The following GRIK2 variants were observed in gnomAD, a reference collection of about 807,000 sequenced individuals.
The protein encoded by GRIK2 is glutamate ionotropic receptor kainate type subunit 2.
Under a neutral mutation model 100.3 loss-of-function variants are expected in GRIK2, and 32 were observed. That is an observed-to-expected ratio of 0.32 (90% CI 0.24 to 0.43). The LOEUF (loss-of-function observed/expected upper bound fraction) is 0.43. GRIK2 is among the 20% of genes least tolerant of loss of function. The pLI is 1.00. For synonymous variants in GRIK2, 417 were observed against 389.4 expected, an observed-to-expected ratio of 1.07 and a Z score of -0.83; for missense variants, 843 against 1,114.9, an observed-to-expected ratio of 0.76 and a Z score of 3.47.
At chr6:101,526,045 A>G (rs62419615) in intron 2 of GRIK2, among the ~76,000 whole-genome samples, 7,609 of 152,248 alleles carry the variant, frequency 0.05, 272 homozygotes, top group Non-Finnish European at 0.068. Context: ...TGCGACTGAA[A>G]TGATGTCTGG....
intron 2 of GRIK2, among the ~76,000 whole-genome samples, chr6:101,419,469 C>A (rs1776311291): frequency 6.6e-6 from 1 of 152,084 alleles, no homozygotes; most frequent in Non-Finnish European, 1.5e-5. Context: ...ATTTTATAGA[C>A]CAAATATTAA....
intron 4 of GRIK2, among the ~76,000 whole-genome samples, chr6:101,643,551 G>C (rs1328116519): frequency 1.3e-5 from 2 of 151,658 alleles, no homozygotes; most frequent in Non-Finnish European, 3.0e-5. Flanking sequence ...ACATATGTGA[G>C]AGTTTATTTC....
At chr6:102,013,901 G>T (rs1202275315) in intron 14 of GRIK2, among the ~76,000 whole-genome samples, 9 of 151,472 alleles carry the variant, frequency 5.9e-5, no homozygotes, top group African/African-American at 2.2e-4. Context: ...TTTTTTTGTT[G>T]TACCTCTGCC....
chr6:101,754,981 T>C (rs1243818371), intron 7 of GRIK2, among the ~76,000 whole-genome samples: 2 of 152,128 alleles, frequency 1.3e-5, no homozygotes, highest in Non-Finnish European at 2.9e-5. Context: ...CTTTCAGCGA[T>C]GTAGGCACTC....
chr6:101,699,641 C>A (rs1281440606), intron 7 of GRIK2, among the ~76,000 whole-genome samples: 1 of 152,102 alleles, frequency 6.6e-6, no homozygotes, highest in African/African-American at 2.4e-5. Flanking sequence ...TTTCCACTTT[C>A]TTTCTAGCAA....
At position 101,797,651 on chromosome 6, in the gene GRIK2, T is replaced by A. The variant is rs12174427; in HGVS notation, c.952-1997T>A. On this transcript the variant is annotated intron_variant, in intron 7 of 16. Coordinates refer to ENST00000369134, the MANE Select transcript of GRIK2 (RefSeq NM_021956.5). ...TACATATATTTATAAAGTAAATATA[T>A]ATTATGCTGTATTTCCATAATAAAC... Among the ~76,000 whole-genome samples, 22 of 138,054 alleles carry A rather than the reference T, an allele frequency of 1.6e-4. 1 individual carries two copies. In the East Asian group the frequency reaches 4.6e-3, roughly 29 times the overall value. The allele number at this position is 138,054 out of a possible 152,430, so 90.6% of individuals were successfully genotyped here.
chr6:101,507,444 A>G (rs934718985), intron 2 of GRIK2, among the ~76,000 whole-genome samples: 3 of 152,130 alleles, frequency 2.0e-5, no homozygotes, highest in Admixed American at 2.0e-4. Context: ...ATTTTTCTAC[A>G]GGGATTCAGG....
At chr6:101,941,816 A>T (rs1582582502) in intron 14 of GRIK2, among the ~76,000 whole-genome samples, 2 of 152,312 alleles carry the variant, frequency 1.3e-5, no homozygotes, top group East Asian at 3.9e-4. Context: ...AGGAAAAATC[A>T]GTTGATCCTA....
At chr6:101,572,758 T>C (rs1476374436) in intron 2 of GRIK2, among the ~76,000 whole-genome samples, 2 of 149,524 alleles carry the variant, frequency 1.3e-5, no homozygotes, top group Non-Finnish European at 3.0e-5. Context: ...GTTTCTTTTT[T>C]TTTTTTTTTT....
intron 2 of GRIK2, among the ~76,000 whole-genome samples, chr6:101,570,269 A>G (rs1363751469): frequency 6.6e-6 from 1 of 152,104 alleles, no homozygotes; most frequent in Non-Finnish European, 1.5e-5. Flanking sequence ...TAGGGTAAGT[A>G]TAAGGAATGA....
rs549044355 is a variant in GRIK2 at position 101,982,418 on chromosome 6, G to A, written c.2086-52923G>A. Among the ~76,000 whole-genome samples the A allele has an allele frequency of 3.3e-5, 5 of 151,866 alleles. No individual in the cohort carries two copies. The East Asian group carries it at 5.9e-4, about 18-fold the overall frequency. ...TCTATCATGCAGATATGGTAGTTAAGTTGCTCAGTTTTAATTTGGGGCAAT... is the reference window on the plus strand; with the variant it reads ...TCTATCATGCAGATATGGTAGTTAAATTGCTCAGTTTTAATTTGGGGCAAT... On this transcript the variant is annotated intron_variant, in intron 14 of 16. Transcript: ENST00000369134.
At chr6:101,914,020 C>A (rs932073060) in intron 12 of GRIK2, among the ~76,000 whole-genome samples, 5 of 150,804 alleles carry the variant, frequency 3.3e-5, no homozygotes, top group Non-Finnish European at 7.4e-5. Flanking sequence ...ATAGAAAAGA[C>A]AAAAGAGATA....
At chr6:101,815,515 T>C (rs902841248) in intron 9 of GRIK2, among the ~76,000 whole-genome samples, 1 of 152,122 alleles carries the variant, frequency 6.6e-6, no homozygotes, top group African/African-American at 2.4e-5. Flanking sequence ...AAGAGGGTAT[T>C]ATTAATGAAA....
intron 2 of GRIK2, among the ~76,000 whole-genome samples, chr6:101,611,319 G>A (rs1032671121): frequency 1.3e-5 from 2 of 151,744 alleles, no homozygotes; most frequent in African/African-American, 4.8e-5. Flanking sequence ...GACTGTATCA[G>A]CAACTTCTTT....
intron 16 of GRIK2, chr6:102,065,919 A>G: frequency 1.4e-6 from 2 of 1,413,136 alleles, no homozygotes; most frequent in Non-Finnish European, 9.3e-7. Context: ...CTTAATAAGT[A>G]CATCTAATAG....
intron 7 of GRIK2, among the ~76,000 whole-genome samples, chr6:101,691,496 C>G (rs1480091950): frequency 1.3e-5 from 2 of 151,954 alleles, no homozygotes; most frequent in Non-Finnish European, 2.9e-5. Context: ...TGGGTTTTCA[C>G]CATGTTGGCC....
chr6:101,545,379 A>T (rs1302414421), intron 2 of GRIK2, among the ~76,000 whole-genome samples: 1 of 152,210 alleles, frequency 6.6e-6, no homozygotes, highest in Non-Finnish European at 1.5e-5. Context: ...TAGGCCGTGT[A>T]CATATTTCCA....
intron 2 of GRIK2, among the ~76,000 whole-genome samples, chr6:101,420,692 C>T (rs558468208): frequency 6.6e-6 from 1 of 152,304 alleles, no homozygotes; most frequent in South Asian, 2.1e-4. Flanking sequence ...AACTCTGTGT[C>T]AGGTGCTGTG....
In GRIK2 at chr6:102,051,050, C is replaced by T. The variant is rs563650958; in HGVS notation, c.2312-4280C>T. On this transcript the variant is annotated intron_variant, in intron 15 of 16. Transcript: ENST00000369134. ...TAAAAGGGACATTTAGAGACAATAACTCTATTGTTGAGGAAGTTCTGGATA... is the reference window on the plus strand; with the variant it reads ...TAAAAGGGACATTTAGAGACAATAATTCTATTGTTGAGGAAGTTCTGGATA... Among the ~76,000 whole-genome samples the T allele has an allele frequency of 3.3e-5, 5 of 152,106 alleles. No individual in the cohort carries two copies. In the East Asian group the frequency reaches 9.7e-4, roughly 30 times the overall value.
Sources: allele counts gnomAD v4.1 joint callset (sites outside exome capture counted in the v4.1 genomes callset), GRCh38; gene constraint gnomAD v4.1.1; transcripts MANE v1.5; gene names NCBI Gene and HGNC (gene_info 2026-07-23, HGNC 2026-07-21).